CEMIP: variants seen among roughly 807,000 people sequenced by gnomAD.
CEMIP encodes cell migration-inducing and hyaluronan-binding protein.
In CEMIP, 105 loss-of-function variants were observed where a neutral mutation model predicts 156.9. The observed-to-expected ratio is 0.67, with a 90% confidence interval of 0.57 to 0.79. The LOEUF is 0.79. Ranked by LOEUF, CEMIP falls within the 30% of genes least tolerant of loss-of-function variation. The pLI, the probability that CEMIP is intolerant of heterozygous loss-of-function variation, is 0.00. For missense variants in CEMIP, 1,457 were observed against 1,769.4 expected, an observed-to-expected ratio of 0.82 and a Z score of 3.17; for synonymous variants, 676 against 668.4, an observed-to-expected ratio of 1.01 and a Z score of -0.17.
At chr15:80,866,592 AAAATAAAT>A (rs3087304) in intron 1 of CEMIP, among the ~76,000 whole-genome samples, 6,133 of 130,230 alleles carry the variant, frequency 0.047, 513 homozygotes, top group African/African-American at 0.17. Flanking sequence ...CTCTGTCTTA[AAAATAAAT>A]AAATAAATAA....
At position 80,951,309 on chromosome 15, in the gene CEMIP, A is replaced by T. The variant is rs1245728835; in HGVS notation, c.*2385A>T. 1 of 152,640 alleles carries T rather than the reference A, an allele frequency of 6.6e-6. No homozygotes were observed. Among genetic ancestry groups the T allele is most frequent in the African/African-American group, 2.4e-5 (1 of 41,456 alleles). The allele number at this position is 152,640 out of a possible 1,614,324, so 9.5% of individuals were successfully genotyped here. ...TTGTACATATGTTTCACAGTACAGG[A>T]TCTGTACATAAAAGTTTCTTTCCTA... is the stretch of plus-strand genomic sequence containing the variant. On this transcript the variant is annotated 3_prime_UTR_variant, in exon 30 of 30. Coordinates refer to ENST00000394685, the MANE Select transcript of CEMIP (RefSeq NM_001293298.2).
Position 80,949,934 on chromosome 15 carries a change from C to T in CEMIP, c.*1010C>T, listed in dbSNP as rs1333961421. 1.3e-5 allele frequency: 2 copies of T among 152,224 alleles called. No homozygotes were observed. Among genetic ancestry groups the T allele is most frequent in the Admixed American group, 1.3e-4 (2 of 15,284 alleles). 9.4% of individuals were successfully genotyped at this position (152,224 alleles called of 1,614,324 possible). On this transcript the variant is annotated 3_prime_UTR_variant, in exon 30 of 30. Transcript: ENST00000394685. Reference sequence around the variant, plus strand: ...GCTGAAGCTGGTGACTACGGGGTCGCCCTTTGCTCACGTCTCTCTGGCCCA... The same window carrying T: ...GCTGAAGCTGGTGACTACGGGGTCGTCCTTTGCTCACGTCTCTCTGGCCCA...
In CEMIP at chr15:80,884,168, T is replaced by G. The variant is rs1240159870; in HGVS notation, c.618-7T>G. ...CTATTCAGATCTCTTCTCTCTGCCC[T>G]TTTTAGGTTTGACACCTATAGATCC... On this transcript the variant is annotated splice_region_variant and splice_polypyrimidine_tract_variant and intron_variant, in intron 6 of 29. Coordinates refer to ENST00000394685, the MANE Select transcript of CEMIP (RefSeq NM_001293298.2). 6.2e-7 allele frequency: 1 copy of G among 1,613,856 alleles called. No homozygotes were observed. Among genetic ancestry groups the G allele is most frequent in the Non-Finnish European group, 8.5e-7 (1 of 1,179,832 alleles).
At chr15:80,816,998 T>C (rs965694844) in intron 1 of CEMIP, among the ~76,000 whole-genome samples, 5 of 152,212 alleles carry the variant, frequency 3.3e-5, no homozygotes, top group East Asian at 3.8e-4. Context: ...ATGTTTGTAA[T>C]ATATACTCTG....
intron 21 of CEMIP, among the ~76,000 whole-genome samples, chr15:80,931,176 CTCTGTCAGCCTACAG>C (rs1900897999): frequency 2.0e-5 from 3 of 152,228 alleles, no homozygotes; most frequent in Admixed American, 2.0e-4. Flanking sequence ...TCTTGGGGTT[CTCTGTCAGCCTACAG>C]TCTTGCTTTT....
chr15:80,805,935 G>T (rs2141613654), intron 1 of CEMIP, among the ~76,000 whole-genome samples: 1 of 152,252 alleles, frequency 6.6e-6, no homozygotes, highest in South Asian at 2.1e-4. Flanking sequence ...ATTGGGACAT[G>T]AATTTATTAT....
intron 1 of CEMIP, among the ~76,000 whole-genome samples, chr15:80,827,317 G>C (rs1188585403): frequency 6.6e-6 from 1 of 152,192 alleles, no homozygotes; most frequent in Non-Finnish European, 1.5e-5. Flanking sequence ...CTTATAAAGA[G>C]ATACTGCAGT....
rs148606628 is a variant in CEMIP at position 80,895,075 on chromosome 15, G to T, written c.1172G>T (p.Gly391Val). 9.1e-4 allele frequency: 1,470 copies of T among 1,614,236 alleles called. 3 individuals carry two copies. The highest frequency in any genetic ancestry group is 1.2e-3 in the Non-Finnish European group (1,387 of 1,180,040). Residue 391 changes from glycine (G) to valine (V), a missense_variant, in exon 11 of 30, where the codon GGC (glycine) becomes GTC (valine). Gly to Val is a moderately radical substitution (Grantham distance 109). Around this residue, in one of 5 missense-constraint regions of CEMIP, gnomAD observed 280 missense variants for 300.3 expected, o/e 0.93. Coordinates refer to ENST00000394685, the MANE Select transcript of CEMIP (RefSeq NM_001293298.2). ...QDYRFACYDR[G>V]RACRSYRVRF... is the part of the protein sequence containing the mutation. ...TATAGGTTTGCTTGCTACGACCGGG[G>T]CAGAGCCTGCCGGAGCTACCGTGTA...
intron 1 of CEMIP, among the ~76,000 whole-genome samples, chr15:80,789,145 C>T (rs966808014): frequency 1.3e-5 from 2 of 152,106 alleles, no homozygotes; most frequent in Non-Finnish European, 2.9e-5. Context: ...GGTTAGCATC[C>T]CAGTTGGTGT....
In CEMIP at chr15:80,906,611, CAG is replaced by C. The variant is rs1899815051; in HGVS notation, c.1412-51_1412-50del. On this transcript the variant is annotated intron_variant, in intron 12 of 29. Coordinates refer to ENST00000394685, the MANE Select transcript of CEMIP (RefSeq NM_001293298.2). This position sits in a 1 kb window ranked among gnomAD's most constrained non-coding sequence, Gnocchi z 4.3. ...AGGCACCTGGCAGGGGCCCAGAACT[CAG>C]TGGGCATGCAGTACCTGCTGTTGTT... is the stretch of plus-strand genomic sequence containing the variant. 3.2e-5 allele frequency: 50 copies of C among 1,559,408 alleles called. No individual in the cohort carries two copies. The highest frequency in any genetic ancestry group is 4.2e-5 in the Non-Finnish European group (48 of 1,143,332).
Position 80,937,972 on chromosome 15 carries a change from G to T in CEMIP, c.3400G>T (p.Asp1134Tyr). The T allele has an allele frequency of 1.2e-6, 2 of 1,613,694 alleles. No individual in the cohort carries two copies. Among genetic ancestry groups the T allele is most frequent in the South Asian group, 2.2e-5 (2 of 91,022 alleles). ...CAGGAGCCACTACTACTGGGACGAG[G>T]ACTCAGGGTGAGCAGGCGCCCACTT... Reference protein sequence around the residue: ...PGRSHYYWDEDSGLLFLKLKA... With the variant: ...PGRSHYYWDEYSGLLFLKLKA... Residue 1134 changes from aspartate to tyrosine, a missense_variant, in exon 25 of 30, where the codon GAC becomes TAC. Coordinates refer to ENST00000394685, the MANE Select transcript of CEMIP (RefSeq NM_001293298.2).
At chr15:80,808,673 A>G (rs1181484170) in intron 1 of CEMIP, among the ~76,000 whole-genome samples, 2 of 152,190 alleles carry the variant, frequency 1.3e-5, no homozygotes, top group Admixed American at 1.3e-4. Flanking sequence ...AAATTGCTAT[A>G]GGAAATAGAA....
chr15:80,879,044 C>T (rs1175393817), intron 4 of CEMIP, among the ~76,000 whole-genome samples, 177 bp downstream of exon 4: 3 of 152,120 alleles, frequency 2.0e-5, no homozygotes, highest in East Asian at 3.8e-4. Flanking sequence ...AATGGCTTGT[C>T]GGAGGTCCAA....
intron 1 of CEMIP, among the ~76,000 whole-genome samples, chr15:80,869,212 G>T (rs190529105): frequency 0.016 from 2,461 of 152,226 alleles, 69 homozygotes; most frequent in African/African-American, 0.056. Context: ...CCACCCGTAT[G>T]ACCTCATTTT....
intron 1 of CEMIP, among the ~76,000 whole-genome samples, chr15:80,797,622 T>A (rs1398740293): frequency 6.6e-6 from 1 of 150,616 alleles, no homozygotes; most frequent in Middle Eastern, 3.2e-3. Context: ...GTGTGTCATT[T>A]CTAGAAGAAA....
chr15:80,947,558 C>A (rs927124352), intron 29 of CEMIP: 1 of 161,732 alleles, frequency 6.2e-6, no homozygotes, highest in South Asian at 1.7e-4. Context: ...CAGGCAGCTT[C>A]GGTGGTGAAG....
intron 17 of CEMIP, 68 bp downstream of exon 17, chr15:80,922,205 A>G (rs948915854): frequency 6.2e-7 from 1 of 1,600,140 alleles, no homozygotes. Context: ...GCAGATGATT[A>G]GAGCCGGGAC....
At chr15:80,903,457 G>T (rs1004546045) in intron 12 of CEMIP, among the ~76,000 whole-genome samples, 1 of 152,140 alleles carries the variant, frequency 6.6e-6, no homozygotes. Context: ...GGAGATACAC[G>T]CATGGAAGCT....
At chr15:80,856,147 A>G (rs1897848009) in intron 1 of CEMIP, among the ~76,000 whole-genome samples, 3 of 152,182 alleles carry the variant, frequency 2.0e-5, no homozygotes, top group Admixed American at 1.3e-4. Flanking sequence ...GGGATGAGGG[A>G]ACTTTCTGGG....
Sources: gnomAD v4.1 joint callset for allele counts (sites outside exome capture counted in the v4.1 genomes callset) on GRCh38, gnomAD v4.1.1 for gene constraint, gnomAD v4.1.1 regional missense constraint, Gnocchi (gnomAD v3.1) non-coding constraint, MANE v1.5 for transcripts, NCBI Gene and HGNC (gene_info 2026-07-23, HGNC 2026-07-21) for gene names.